The following NUP88 variants were observed in gnomAD, a reference collection of about 807,000 sequenced individuals.
The protein encoded by NUP88 is nuclear pore complex protein Nup88.
NUP88 carries 57 observed loss-of-function variants against 93.9 expected under a neutral mutation model. That is an observed-to-expected ratio of 0.61 (90% CI 0.49 to 0.76). The LOEUF (loss-of-function observed/expected upper bound fraction) is 0.76, where lower values mean the gene tolerates loss of function less well. Ranked by LOEUF, NUP88 falls within the 30% of genes least tolerant of loss-of-function variation. NUP88 has a pLI of 0.00. For missense variants in NUP88, 911 were observed against 901.0 expected (o/e 1.01, Z -0.14); for synonymous variants, 346 against 336.8 (o/e 1.03, Z -0.30).
chr17:5,403,658 T>TCAACAACAA lies in NUP88; in HGVS notation c.1192+432_1192+440dup, dbSNP rs55871021. On this transcript the variant is annotated intron_variant, in intron 7 of 16. Coordinates refer to ENST00000573584, the MANE Select transcript of NUP88 (RefSeq NM_002532.6). ...CTGGGTGACAGAGCCAGACACCATC[T>TCAACAACAA]CAACAACAACAACAACAACAACAAA... Among the ~76,000 whole-genome samples the TCAACAACAA allele has an allele frequency of 1.5e-3, 226 of 150,408 alleles. 1 individual carries two copies. Among genetic ancestry groups the TCAACAACAA allele is most frequent in the African/African-American group, 3.3e-3 (137 of 40,914 alleles).
At chr17:5,400,503 A>C (rs143867343) in intron 7 of NUP88, among the ~76,000 whole-genome samples, 63,542 of 147,652 alleles carry the variant, frequency 0.43, 14,505 homozygotes, top group East Asian at 0.84. Context: ...CAAAAAAAAA[A>C]AAAAAAAAAA....
rs1238921714 is a variant in NUP88, at chr17:5,419,381, G to A, written c.270C>T (p.Gly90=). The change falls in exon 1 of 17, where the codon GGC becomes GGT. Residue 90 remains glycine, a synonymous_variant. Transcript: ENST00000573584. ...GGTACTGGGACAGGGCGGGCTCTTC[G>A]CCGCCGCCGCTGGGGCCCCGAAGGC... ...VVRLRGPSGG[G]EEPALSQYQR... 3.8e-6 allele frequency: 6 copies of A among 1,599,140 alleles called. No individual in the cohort carries two copies. Among genetic ancestry groups the A allele is most frequent in the African/African-American group, 2.7e-5 (2 of 73,898 alleles).
intron 3 of NUP88, among the ~76,000 whole-genome samples, chr17:5,411,966 C>T (rs578064393): frequency 6.6e-6 from 1 of 152,214 alleles, no homozygotes; most frequent in Admixed American, 6.5e-5. Context: ...AAATACTAGG[C>T]AATAATGTTG....
chr17:5,413,545 G>A (rs1913963875), intron 3 of NUP88, among the ~76,000 whole-genome samples: 1 of 152,140 alleles, frequency 6.6e-6, no homozygotes, highest in Non-Finnish European at 1.5e-5. Context: ...TAATCATAGA[G>A]TGCAAAGCTT....
chr17:5,396,371 C>T (rs1385611635), intron 8 of NUP88, among the ~76,000 whole-genome samples: 1 of 152,230 alleles, frequency 6.6e-6, no homozygotes, highest in Non-Finnish European at 1.5e-5. Context: ...CTATTCTGGA[C>T]ATCTCATATA....
intron 10 of NUP88, among the ~76,000 whole-genome samples, chr17:5,390,717 T>C (rs1014314527): frequency 1.4e-5 from 2 of 139,636 alleles, no homozygotes; most frequent in African/African-American, 5.3e-5. Context: ...TTTTTTTTTT[T>C]AAAAGACACA....
rs1058398 is a variant in NUP88, at chr17:5,385,440, A to G, written c.*766T>C. 0.44 allele frequency: 101,916 copies of G among 229,844 alleles called. 23,392 individuals carry two copies. Among genetic ancestry groups the G allele is most frequent in the East Asian group, 0.67 (10,706 of 16,076 alleles). 14.2% of individuals were successfully genotyped at this position (229,844 alleles called of 1,614,324 possible). On this transcript the variant is annotated 3_prime_UTR_variant, in exon 17 of 17. Transcript: ENST00000573584. Reference sequence around the variant, plus strand: ...TACCTTATCATGTGGCTTTTAATTGACAGTCACTCAGCCATTTCTAAGCAG... The same window carrying G: ...TACCTTATCATGTGGCTTTTAATTGGCAGTCACTCAGCCATTTCTAAGCAG...
intron 10 of NUP88, 118 bp from the exon 11 acceptor site, chr17:5,389,078 A>G (rs780683773): frequency 9.3e-6 from 7 of 756,112 alleles, no homozygotes; most frequent in Admixed American, 3.5e-5. Flanking sequence ...AACTTTTGTA[A>G]AAGTGCAAGA....
At chr17:5,386,633 A>G in intron 16 of NUP88, 75 bp downstream of exon 16, 4 of 997,096 alleles carry the variant, frequency 4.0e-6, no homozygotes, top group Non-Finnish European at 6.4e-6. Context: ...GGTTTCTATT[A>G]AGACAGGTTG....
intron 1 of NUP88, among the ~76,000 whole-genome samples, chr17:5,417,607 GACGGGTGGATC>G (rs1307274467): frequency 1.3e-5 from 2 of 152,226 alleles, no homozygotes; most frequent in Non-Finnish European, 2.9e-5. Flanking sequence ...GGGAGGCCAA[GACGGGTGGATC>G]ACCTGAGGCC....
At position 5,387,130 on chromosome 17, in the gene NUP88, A is replaced by G. The variant is rs986425417; in HGVS notation, c.1917-20T>C. On this transcript the variant is annotated intron_variant, in intron 14 of 16. Transcript: ENST00000573584. Reference sequence around the variant, plus strand: ...TTCATCCTTTAGAAAAGGCAAGCAAACATCTCAATTTAAGGTCTCTACTAA... The same window carrying G: ...TTCATCCTTTAGAAAAGGCAAGCAAGCATCTCAATTTAAGGTCTCTACTAA... The G allele has an allele frequency of 6.2e-7, 1 of 1,611,666 alleles. No homozygotes were observed. The highest frequency in any genetic ancestry group is 8.5e-7 in the Non-Finnish European group (1 of 1,179,100).
intron 10 of NUP88, among the ~76,000 whole-genome samples, chr17:5,391,248 T>C (rs1912396369): frequency 6.6e-6 from 1 of 152,198 alleles, no homozygotes; most frequent in African/African-American, 2.4e-5. Context: ...GCTTGGCGTA[T>C]GGTCACAGCT....
rs756760809 is a variant in NUP88 at position 5,387,832 on chromosome 17, G to C, written c.1716C>G (p.Phe572Leu). The change falls in exon 12 of 17, where the codon TTC (phenylalanine) becomes TTG (leucine). Residue 572 changes from phenylalanine to leucine, a missense_variant. Phe to Leu is a conservative substitution (Grantham distance 22). Coordinates refer to ENST00000573584, the MANE Select transcript of NUP88 (RefSeq NM_002532.6). Reference sequence around the variant, plus strand: ...CCTGTTTGAGAATGTACTGCTCTCTGAACACCTGGGTGGCTCTGCTGAGGA... The same window carrying C: ...CCTGTTTGAGAATGTACTGCTCTCTCAACACCTGGGTGGCTCTGCTGAGGA... ...LQLLSRATQV[F>L]REQYILKQDL... is the part of the protein sequence containing the mutation. 7.4e-6 allele frequency: 12 copies of C among 1,613,924 alleles called. No individual in the cohort carries two copies. The highest frequency in any genetic ancestry group is 6.6e-5 in the South Asian group (6 of 91,052).
rs754900626 is a variant in NUP88, at chr17:5,419,344, C to G, written c.297+10G>C. 4.5e-6 allele frequency: 7 copies of G among 1,548,290 alleles called. No individual in the cohort carries two copies. The African/African-American group carries it at 9.7e-5, about 22-fold the overall frequency. ...GGTGAGGGTCACTTCCAAGATCGGC[C>G]TGGCATTACCTGGTACTGGGACAGG... On this transcript the variant is annotated intron_variant, in intron 1 of 16. Transcript: ENST00000573584.
chr17:5,403,916 T>C (rs1424717572), intron 7 of NUP88, among the ~76,000 whole-genome samples, 183 bp downstream of exon 7: 2 of 152,156 alleles, frequency 1.3e-5, no homozygotes, highest in Non-Finnish European at 2.9e-5. Flanking sequence ...TTTTAAAACT[T>C]GGGAAATTTG....
chr17:5,418,655 T>C (rs1914356740), intron 1 of NUP88, among the ~76,000 whole-genome samples: 1 of 152,202 alleles, frequency 6.6e-6, no homozygotes, highest in African/African-American at 2.4e-5. Context: ...TAAAATTAAA[T>C]CACTTCTCGG....
intron 1 of NUP88, among the ~76,000 whole-genome samples, chr17:5,418,719 A>G (rs901528893): frequency 6.6e-6 from 1 of 152,196 alleles, no homozygotes; most frequent in Non-Finnish European, 1.5e-5. Context: ...AATGAGTACC[A>G]AGCTCTTTTT....
chr17:5,390,938 T>C (rs769259087), intron 10 of NUP88, among the ~76,000 whole-genome samples: 10 of 152,112 alleles, frequency 6.6e-5, no homozygotes, highest in Non-Finnish European at 1.5e-4. Flanking sequence ...TCCCAAAGCA[T>C]TGGGATTACA....
chr17:5,388,063 C>T (rs1012361494), intron 11 of NUP88, 159 bp from the exon 12 acceptor site: 14 of 607,996 alleles, frequency 2.3e-5, no homozygotes, highest in Non-Finnish European at 3.6e-5. Flanking sequence ...TGCATTGGTG[C>T]TATCTCGGCT....
Sources: gnomAD v4.1 joint callset for allele counts (sites outside exome capture counted in the v4.1 genomes callset) on GRCh38, gnomAD v4.1.1 for gene constraint, MANE v1.5 for transcripts, NCBI Gene and HGNC (gene_info 2026-07-23, HGNC 2026-07-21) for gene names.